Variants in TSPAN11 observed in about 807,000 individuals in gnomAD.
The protein encoded by TSPAN11 is tetraspanin-11.
TSPAN11 carries 29 observed loss-of-function variants against 32.9 expected under a neutral mutation model. The ratio of observed to expected loss-of-function variants is 0.88; its 90% CI spans 0.66 to 1.20. The LOEUF is 1.20. Ranked by LOEUF, TSPAN11 falls within the 50% of genes most tolerant of loss-of-function variation. The probability of loss-of-function intolerance (pLI) is 0.00; values close to 1 mark genes in which losing one functional copy is unlikely to be tolerated. For synonymous variants in TSPAN11, 140 were observed against 141.3 expected (o/e 0.99, Z 0.07); for missense variants, 283 against 329.1 (o/e 0.86, Z 1.08).
intron 5 of TSPAN11, among the ~76,000 whole-genome samples, chr12:30,981,756 C>G (rs186031573): frequency 1.1e-4 from 16 of 152,312 alleles, no homozygotes; most frequent in African/African-American, 2.6e-4. Context: ...TTCTTCGCTC[C>G]AGGCACATAG....
At chr12:31,014,322 A>G in the TSPAN11 span, among the ~76,000 whole-genome samples, 1 of 152,242 alleles carries the variant, frequency 6.6e-6, no homozygotes, top group Non-Finnish European at 1.5e-5. Flanking sequence ...CAATGGTACT[A>G]CAAATATTGG....
At chr12:30,949,349 G>A (rs1416450868) in intron 1 of TSPAN11, among the ~76,000 whole-genome samples, 4 of 152,046 alleles carry the variant, frequency 2.6e-5, no homozygotes, top group African/African-American at 9.7e-5. Flanking sequence ...TGATAAAGAT[G>A]TACCCGAGAC....
intron 5 of TSPAN11, among the ~76,000 whole-genome samples, chr12:30,980,655 A>C (rs950227715): frequency 3.3e-5 from 5 of 152,082 alleles, no homozygotes; most frequent in African/African-American, 1.2e-4. Context: ...TCATGGATCA[A>C]CTGGAAGGCC....
At chr12:30,935,376 T>G (rs1054256883) in intron 1 of TSPAN11, among the ~76,000 whole-genome samples, 2 of 143,004 alleles carry the variant, frequency 1.4e-5, no homozygotes, top group African/African-American at 2.6e-5. Context: ...TTTGTGGGTT[T>G]TTTTTTTTTT....
At chr12:30,938,968 C>G (rs969529572) in intron 1 of TSPAN11, among the ~76,000 whole-genome samples, 16 of 152,128 alleles carry the variant, frequency 1.1e-4, no homozygotes. Flanking sequence ...TGTGGTGGCT[C>G]ACTCCTATAA....
intron 1 of TSPAN11, among the ~76,000 whole-genome samples, chr12:30,928,500 G>A (rs1366814148): frequency 6.6e-6 from 1 of 152,198 alleles, no homozygotes; most frequent in Non-Finnish European, 1.5e-5. Context: ...TGCACAGACG[G>A]CACCGAATTC....
At chr12:30,934,523 T>TTA (rs1326212675) in intron 1 of TSPAN11, among the ~76,000 whole-genome samples, 1 of 152,182 alleles carries the variant, frequency 6.6e-6, no homozygotes, top group African/African-American at 2.4e-5. Flanking sequence ...TCTATCTGCC[T>TTA]TATATACTGA....
At chr12:30,933,762 A>G (rs1425399628) in intron 1 of TSPAN11, among the ~76,000 whole-genome samples, 3 of 152,128 alleles carry the variant, frequency 2.0e-5, no homozygotes, top group Non-Finnish European at 1.5e-5. Context: ...AAGGGACAGC[A>G]GTGTTGTTGA....
the TSPAN11 span, among the ~76,000 whole-genome samples, chr12:31,005,549 C>T: frequency 4.1e-4 from 63 of 152,304 alleles, no homozygotes; most frequent in Non-Finnish European, 8.4e-4. Flanking sequence ...CAGACACAGA[C>T]GCAGGCATCC....
intron 1 of TSPAN11, among the ~76,000 whole-genome samples, chr12:30,948,623 G>A (rs932828190): frequency 6.6e-6 from 1 of 152,188 alleles, no homozygotes; most frequent in Non-Finnish European, 1.5e-5. Flanking sequence ...CAAGTCCCTA[G>A]GCTGCACACA....
At chr12:30,941,365 A>G (rs1938160327) in intron 1 of TSPAN11, among the ~76,000 whole-genome samples, 1 of 152,172 alleles carries the variant, frequency 6.6e-6, no homozygotes, top group South Asian at 2.1e-4. Flanking sequence ...CATGATAAAC[A>G]CTAGCCACGG....
chr12:31,007,910 C>G, the TSPAN11 span, among the ~76,000 whole-genome samples: 489 of 152,136 alleles, frequency 3.2e-3, 1 homozygote, highest in African/African-American at 0.011. Context: ...GCCATAGAGG[C>G]GGGGGCCAGG....
chr12:30,948,517 C>A (rs923245748), intron 1 of TSPAN11, among the ~76,000 whole-genome samples: 1 of 152,240 alleles, frequency 6.6e-6, no homozygotes, highest in African/African-American at 2.4e-5. Context: ...CACGTGGAAG[C>A]TGCCAAGGCT....
downstream of TSPAN11, among the ~76,000 whole-genome samples, chr12:31,001,470 G>A (rs1565809766): frequency 6.6e-6 from 1 of 152,110 alleles, no homozygotes; most frequent in Non-Finnish European, 1.5e-5. Flanking sequence ...CACTCTTCTG[G>A]GGCCCCTACT....
In TSPAN11 at chr12:30,983,146, T is replaced by G. The variant is rs1261114098; in HGVS notation, c.698T>G (p.Leu233Arg). The G allele has an allele frequency of 6.2e-7, 1 of 1,611,668 alleles. No homozygotes were observed. The highest frequency in any genetic ancestry group is 8.5e-7 in the Non-Finnish European group (1 of 1,179,504). The part of the protein sequence containing the change: ...MGAVGIGVAC[L>R]QICGMVLTCC... ...GCAGTGGGCATCGGGGTGGCCTGCC[T>G]GCAGGTGAGTTGCAGTGCGGGGACT... Residue 233 changes from leucine to arginine, a missense_variant, in exon 7 of 8, where the codon CTG becomes CGG. By Grantham distance (102) the Leu-to-Arg change is moderately radical. Coordinates refer to ENST00000546076, the MANE Select transcript of TSPAN11 (RefSeq NM_001370302.1).
intron 7 of TSPAN11, 32 bp downstream of exon 7, chr12:30,983,182 G>C (rs956873510): frequency 1.3e-6 from 2 of 1,583,610 alleles, no homozygotes; most frequent in Non-Finnish European, 1.7e-6. Flanking sequence ...GGTGGGGGTG[G>C]AAGGGCTCTG....
the TSPAN11 span, among the ~76,000 whole-genome samples, chr12:31,014,840 A>G: frequency 5.3e-4 from 80 of 152,346 alleles, no homozygotes; most frequent in African/African-American, 1.9e-3. Context: ...ATCCAGGCAC[A>G]AAGGTTAATT....
chr12:30,929,951 C>A (rs1392420358), intron 1 of TSPAN11, among the ~76,000 whole-genome samples: 4 of 152,182 alleles, frequency 2.6e-5, no homozygotes, highest in African/African-American at 9.7e-5. Flanking sequence ...ATAGGGGGAG[C>A]ATTAATGACC....
At chr12:30,938,424 C>CA (rs1938090255) in intron 1 of TSPAN11, among the ~76,000 whole-genome samples, 1 of 152,166 alleles carries the variant, frequency 6.6e-6, no homozygotes, top group Non-Finnish European at 1.5e-5. Flanking sequence ...CAGCTGACCC[C>CA]ATCAGAAGGA....
Sources: allele counts gnomAD v4.1 joint callset (sites outside exome capture counted in the v4.1 genomes callset), GRCh38; gene constraint gnomAD v4.1.1; transcripts MANE v1.5; gene names NCBI Gene and HGNC (gene_info 2026-07-23, HGNC 2026-07-21).